UNC5B: variants seen among roughly 807,000 people sequenced by gnomAD.
The protein encoded by UNC5B is netrin receptor UNC5B.
Under a neutral mutation model 103.7 loss-of-function variants are expected in UNC5B, and 56 were observed. That is an observed-to-expected ratio of 0.54 (90% CI 0.44 to 0.67). UNC5B has a LOEUF of 0.67. Ranked by LOEUF, UNC5B falls within the 30% of genes least tolerant of loss-of-function variation. The pLI is 0.00. For missense variants in UNC5B, 1,194 were observed against 1,284.5 expected (o/e 0.93, Z 1.08); for synonymous variants, 577 against 542.0 (o/e 1.06, Z -0.90).
intron 1 of UNC5B, among the ~76,000 whole-genome samples, chr10:71,273,740 A>G (rs1844700924): frequency 6.6e-6 from 1 of 152,176 alleles, no homozygotes; most frequent in Admixed American, 6.5e-5. Context: ...CCCATGGGGG[A>G]CACCAGGAAG....
intron 1 of UNC5B, among the ~76,000 whole-genome samples, chr10:71,246,035 G>A (rs768065600): frequency 6.6e-6 from 1 of 152,178 alleles, no homozygotes; most frequent in South Asian, 2.1e-4. Context: ...GGAGGTGGAG[G>A]TGGGGGCGGC....
chr10:71,264,359 A>G (rs975304832), intron 1 of UNC5B, among the ~76,000 whole-genome samples: 15 of 152,224 alleles, frequency 9.9e-5, no homozygotes, highest in Non-Finnish European at 1.5e-5. Flanking sequence ...TGCGTGTATT[A>G]ACATGTCTAA....
At chr10:71,278,609 C>G (rs1844831003) in intron 1 of UNC5B, among the ~76,000 whole-genome samples, 1 of 152,268 alleles carries the variant, frequency 6.6e-6, no homozygotes, top group African/African-American at 2.4e-5. Context: ...CAGGTGTCCC[C>G]TTGGCCCCTC....
chr10:71,259,939 C>T (rs1369036852), intron 1 of UNC5B, among the ~76,000 whole-genome samples: 1 of 152,218 alleles, frequency 6.6e-6, no homozygotes, highest in African/African-American at 2.4e-5. Context: ...GCTGTGGGAA[C>T]ACTGCCTGCT....
chr10:71,271,914 C>T (rs1285186892), intron 1 of UNC5B, among the ~76,000 whole-genome samples: 2 of 152,116 alleles, frequency 1.3e-5, no homozygotes, highest in African/African-American at 2.4e-5. Context: ...AATGACTTGG[C>T]GTCCCCCGAG....
intron 1 of UNC5B, among the ~76,000 whole-genome samples, chr10:71,264,351 C>A (rs547316841): frequency 1.3e-5 from 2 of 152,186 alleles, no homozygotes; most frequent in African/African-American, 2.4e-5. Context: ...AAGCTCATTG[C>A]GTGTATTAAC....
chr10:71,251,487 A>T (rs1408809634), intron 1 of UNC5B, among the ~76,000 whole-genome samples: 2 of 152,206 alleles, frequency 1.3e-5, no homozygotes, highest in African/African-American at 4.8e-5. Context: ...AGCACAGTTT[A>T]TCTCCCCATC....
rs577579648 is a variant in UNC5B at position 71,295,277 on chromosome 10, G to T, written c.2176-534G>T. On this transcript the variant is annotated intron_variant, in intron 13 of 16. Coordinates refer to ENST00000335350, the MANE Select transcript of UNC5B (RefSeq NM_170744.5). ...AATGGCCAGCTTTGGCCAGAGAGTG[G>T]TATAGAAATCAAGAGAGAAGTTACC... 2.6e-5 allele frequency among the ~76,000 whole-genome samples: 4 copies of T among 152,310 alleles called. No individual in the cohort carries two copies. The South Asian group carries it at 6.2e-4, about 24-fold the overall frequency.
chr10:71,277,251 C>T (rs750165031), intron 1 of UNC5B, among the ~76,000 whole-genome samples: 2 of 152,242 alleles, frequency 1.3e-5, no homozygotes, highest in Non-Finnish European at 2.9e-5. Flanking sequence ...GTGACATGCA[C>T]CCATGGGCCC....
At chr10:71,236,948 C>T (rs978600764) in intron 1 of UNC5B, among the ~76,000 whole-genome samples, 2 of 152,236 alleles carry the variant, frequency 1.3e-5, no homozygotes, top group Non-Finnish European at 1.5e-5. Flanking sequence ...AGAACGCCCA[C>T]ATTTTCTCCA....
chr10:71,231,750 G>A (rs909744371), intron 1 of UNC5B, among the ~76,000 whole-genome samples: 40 of 152,124 alleles, frequency 2.6e-4, no homozygotes, highest in African/African-American at 8.2e-4. Flanking sequence ...AACACCCCAG[G>A]TGATTCTGTG....
In UNC5B at chr10:71,299,312, G is replaced by A. The variant is rs1303011423; in HGVS notation, c.*35G>A. The A allele has an allele frequency of 2.5e-6, 4 of 1,610,478 alleles. No individual in the cohort carries two copies. The East Asian group carries it at 6.7e-5, about 27-fold the overall frequency. On this transcript the variant is annotated 3_prime_UTR_variant, in exon 17 of 17. Coordinates refer to ENST00000335350, the MANE Select transcript of UNC5B (RefSeq NM_170744.5). ...GACAGCGGGCTGGCAGGGACTGGCA[G>A]GAGGCAGGTGCAGGGAGGCCTGGGG...
At chr10:71,292,409 C>G (rs998815916) in intron 10 of UNC5B, 58 bp from the exon 11 acceptor site, 55 of 1,477,618 alleles carry the variant, frequency 3.7e-5, no homozygotes, top group Non-Finnish European at 4.6e-5. Flanking sequence ...GGGCCAACTT[C>G]CCAAACACTT....
intron 1 of UNC5B, among the ~76,000 whole-genome samples, chr10:71,214,102 G>C (rs1162530924): frequency 6.6e-6 from 1 of 152,096 alleles, no homozygotes; most frequent in Non-Finnish European, 1.5e-5. Flanking sequence ...CGGGCGGCTC[G>C]GCTCCGGAGC....
intron 13 of UNC5B, 113 bp from the exon 14 acceptor site, chr10:71,295,698 A>G (rs12259179): frequency 1.5e-6 from 2 of 1,314,382 alleles, no homozygotes; most frequent in Non-Finnish European, 2.1e-6. Context: ...GCTCTTGCAA[A>G]TGCCCAGCCA....
chr10:71,246,250 G>A (rs976875841), intron 1 of UNC5B, among the ~76,000 whole-genome samples: 1 of 152,208 alleles, frequency 6.6e-6, no homozygotes. Context: ...CATACTGTAC[G>A]CTGGGAGAGG....
chr10:71,243,140 C>A (rs7922276), intron 1 of UNC5B, among the ~76,000 whole-genome samples: 9,014 of 152,130 alleles, frequency 0.059, 715 homozygotes, highest in African/African-American at 0.18. Flanking sequence ...GAGGCTGAGG[C>A]AGGAGAATTG....
In UNC5B at chr10:71,213,106, C is replaced by T. The variant is rs761507574; in HGVS notation, c.79+42C>T. 2.2e-5 allele frequency: 27 copies of T among 1,252,030 alleles called. No homozygotes were observed. Among genetic ancestry groups the T allele is most frequent in the Non-Finnish European group, 2.5e-5 (25 of 990,054 alleles). 77.6% of individuals were successfully genotyped at this position (1,252,030 alleles called of 1,614,324 possible). A position where few individuals can be genotyped will look rare whatever the true frequency, so the allele number is the denominator to read the frequency against. ...TCTGGGGGCGCGGGGCTAGGGGACC[C>T]TTGCGCCTCACTCTGTCCTGAAGTT... On this transcript the variant is annotated intron_variant, in intron 1 of 16. Coordinates refer to ENST00000335350, the MANE Select transcript of UNC5B (RefSeq NM_170744.5). The surrounding 1 kb of genome is among the most constrained non-coding windows in gnomAD (Gnocchi z 4.1).
chr10:71,286,952 G>A (rs1310954590), intron 5 of UNC5B, 83 bp downstream of exon 5: 2 of 1,535,190 alleles, frequency 1.3e-6, no homozygotes, highest in Non-Finnish European at 1.8e-6. Flanking sequence ...CCCCTGGATT[G>A]GTAGGGAGGA....
Sources: gnomAD v4.1 joint callset for allele counts (sites outside exome capture counted in the v4.1 genomes callset) on GRCh38, gnomAD v4.1.1 for gene constraint, Gnocchi (gnomAD v3.1) non-coding constraint, MANE v1.5 for transcripts, NCBI Gene and HGNC (gene_info 2026-07-23, HGNC 2026-07-21) for gene names.